STAT3: variants seen among roughly 807,000 people sequenced by gnomAD.
The protein encoded by STAT3 is signal transducer and activator of transcription 3, also known as DNA-binding protein APRF.
Under a neutral mutation model 114.3 loss-of-function variants are expected in STAT3, and 7 were observed. The ratio of observed to expected loss-of-function variants is 0.06; its 90% CI spans 0.03 to 0.11. The LOEUF is 0.11. Ranked by LOEUF, STAT3 falls within the 10% of genes least tolerant of loss-of-function variation. STAT3 has a pLI of 1.00. For missense variants in STAT3, 364 were observed against 960.9 expected (o/e 0.38, Z 8.21); for synonymous variants, 331 against 354.5 (o/e 0.93, Z 0.74).
At position 42,333,926 on chromosome 17, in the gene STAT3, C is replaced by T; in HGVS notation, c.921G>A (p.Glu307=). 6.2e-7 allele frequency: 1 copy of T among 1,614,230 alleles called. No individual in the cohort carries two copies. The highest frequency in any genetic ancestry group is 8.5e-7 in the Non-Finnish European group (1 of 1,180,050). ...AGTTTCTAAACAGCTCCACGATTCTCTCCTCCAGCATCGGCCGGTGCTGTA... is the reference window on the plus strand; with the variant it reads ...AGTTTCTAAACAGCTCCACGATTCTTTCCTCCAGCATCGGCCGGTGCTGTA... ...PIVQHRPMLE[E]RIVELFRNLM... The change falls in exon 9 of 24, where the codon GAG becomes GAA. Residue 307 remains glutamate, a synonymous_variant. Coordinates refer to ENST00000264657, the MANE Select transcript of STAT3 (RefSeq NM_139276.3). This position sits in a 1 kb window ranked among gnomAD's most constrained non-coding sequence, Gnocchi z 5.2.
chr17:42,353,347 C>CAAAAAAAAAA (rs10659012), intron 1 of STAT3, among the ~76,000 whole-genome samples: 1 of 80,846 alleles, frequency 1.2e-5, no homozygotes, highest in African/African-American at 4.1e-5. Context: ...GACTGCATAT[C>CAAAAAAAAAA]AAAAAAAAAA....
chr17:42,380,546 G>C (rs1466098801), intron 1 of STAT3, among the ~76,000 whole-genome samples: 1 of 151,136 alleles, frequency 6.6e-6, no homozygotes, highest in Non-Finnish European at 1.5e-5. Context: ...CACCACAACT[G>C]GCTAATTTTT....
intron 8 of STAT3, among the ~76,000 whole-genome samples, chr17:42,334,779 C>T (rs2082164506): frequency 6.6e-6 from 1 of 151,984 alleles, no homozygotes; most frequent in African/African-American, 2.4e-5. Context: ...ATTACTAGTC[C>T]CTTCCTAAAA....
chr17:42,346,237 T>G (rs2082695077), intron 3 of STAT3, among the ~76,000 whole-genome samples: 1 of 152,156 alleles, frequency 6.6e-6, no homozygotes, highest in Admixed American at 6.5e-5. Context: ...ACTGACTTAG[T>G]CAAGAAGTAT....
intron 4 of STAT3, among the ~76,000 whole-genome samples, chr17:42,343,224 T>C (rs539576524): frequency 6.6e-6 from 1 of 150,732 alleles, no homozygotes; most frequent in South Asian, 2.1e-4. Flanking sequence ...TGTAATGTTA[T>C]GTGTATTTCA....
chr17:42,323,264 C>T lies in STAT3; in HGVS notation c.1744G>A (p.Glu582Lys), dbSNP rs1064796762. 1.9e-6 allele frequency: 3 copies of T among 1,614,136 alleles called. No individual in the cohort carries two copies. Among genetic ancestry groups the T allele is most frequent in the Non-Finnish European group, 2.5e-6 (3 of 1,180,014 alleles). Reference protein sequence around the residue: ...VKKYILALWNEGYIMGFISKE... With the variant: ...VKKYILALWNKGYIMGFISKE... Reference sequence around the variant, plus strand: ...TGCACACTCTGTCCAACCTACCCTTCGTTCCAAAGGGCCAGGATGTACTTT... The same window carrying T: ...TGCACACTCTGTCCAACCTACCCTTTGTTCCAAAGGGCCAGGATGTACTTT... Residue 582 changes from glutamate to lysine, a missense_variant, in exon 19 of 24, where the codon GAA (glutamate) becomes AAA (lysine). By Grantham distance (56) the Glu-to-Lys change is moderately conservative (BLOSUM62 1). This residue lies in a region of STAT3 where 294 missense variants were observed against 745.1 expected (regional missense o/e 0.39). Coordinates refer to ENST00000264657, the MANE Select transcript of STAT3 (RefSeq NM_139276.3).
chr17:42,376,714 C>T (rs1048132033), intron 1 of STAT3, among the ~76,000 whole-genome samples: 9 of 151,888 alleles, frequency 5.9e-5, no homozygotes, highest in South Asian at 4.2e-4. Flanking sequence ...GGCATTGTGA[C>T]GGGCGCCTGT....
intron 12 of STAT3, 26 bp downstream of exon 12, chr17:42,329,721 A>G (rs779774884): frequency 6.2e-7 from 1 of 1,614,236 alleles, no homozygotes; most frequent in South Asian, 1.1e-5. Context: ...AAACGGAACA[A>G]AAGGAAGCCT....
chr17:42,339,535 A>C, intron 4 of STAT3, 126 bp from the exon 5 acceptor site: 1 of 894,422 alleles, frequency 1.1e-6, no homozygotes, highest in Non-Finnish European at 1.8e-6. Flanking sequence ...CCATCACAAG[A>C]GGAAGGGAAA....
At chr17:42,338,833 A>G in intron 5 of STAT3, 21 bp from the exon 6 acceptor site, 1 of 1,584,386 alleles carries the variant, frequency 6.3e-7, no homozygotes, top group South Asian at 1.1e-5. Flanking sequence ...TAAGCAAACA[A>G]AAAAACAGAA....
intron 1 of STAT3, among the ~76,000 whole-genome samples, chr17:42,370,031 G>C (rs531319398): frequency 6.6e-6 from 1 of 152,126 alleles, no homozygotes; most frequent in South Asian, 2.1e-4. Context: ...GAGTGCGGTG[G>C]CGAGATCTCG....
chr17:42,355,798 C>T lies in STAT3; in HGVS notation c.-23-7259G>A, dbSNP rs572355737. Among the ~76,000 whole-genome samples, 13 of 152,256 alleles carry T rather than the reference C, an allele frequency of 8.5e-5. No homozygotes were observed. The South Asian group carries it at 2.7e-3, about 32-fold the overall frequency. The stretch of plus-strand genomic sequence containing the variant: ...ATATTGAGAAACGCAGTCAAGACCA[C>T]TTACAAAAGGGATTTACTACACAGC... On this transcript the variant is annotated intron_variant, in intron 1 of 23. Coordinates refer to ENST00000264657, the MANE Select transcript of STAT3 (RefSeq NM_139276.3).
chr17:42,382,150 AC>A (rs1306449326), intron 1 of STAT3, among the ~76,000 whole-genome samples: 1 of 152,004 alleles, frequency 6.6e-6, no homozygotes, highest in Non-Finnish European at 1.5e-5. Flanking sequence ...ATCCTATAAA[AC>A]CCTATTCAGG....
In STAT3 at chr17:42,314,850, T is replaced by TA; in HGVS notation, c.*894_*895insT. 1.6e-5 allele frequency: 3 copies of TA among 183,108 alleles called. No individual in the cohort carries two copies. Among genetic ancestry groups the TA allele is most frequent in the Non-Finnish European group, 1.1e-5 (1 of 88,348 alleles). The allele number at this position is 183,108 out of a possible 1,614,324, so 11.3% of individuals were successfully genotyped here. Reference sequence around the variant, plus strand: ...ACCAAGGAGGCTGTTAACTGAAGTTTCTTTTTTTTTTTTTTTTTTTTGAGA... The same window carrying TA: ...ACCAAGGAGGCTGTTAACTGAAGTTTACTTTTTTTTTTTTTTTTTTTTGAGA... On this transcript the variant is annotated 3_prime_UTR_variant, in exon 24 of 24. Transcript: ENST00000264657.
At chr17:42,345,316 C>A in intron 4 of STAT3, 6 of 459,784 alleles carry the variant, frequency 1.3e-5, no homozygotes, top group South Asian at 5.6e-5. Flanking sequence ...CAAAACAAAA[C>A]TTTTAAACCA....
At chr17:42,355,000 G>T (rs2083162374) in intron 1 of STAT3, among the ~76,000 whole-genome samples, 1 of 152,086 alleles carries the variant, frequency 6.6e-6, no homozygotes, top group African/African-American at 2.4e-5. Flanking sequence ...CTCCTTACAG[G>T]CTGCTTAGCT....
rs17880712 is a variant in STAT3, at chr17:42,388,032, G to GC, written c.-24+246dup. ...ACCGAGTGCGCCCTCGCCCCACGGT[G>GC]CCCCCTCGAGCGCGTTCTGTTTCTC... On this transcript the variant is annotated intron_variant, in intron 1 of 23. Transcript: ENST00000264657. The GC allele has an allele frequency of 2.4e-3, 1,014 of 417,460 alleles. 8 individuals carry two copies. Among genetic ancestry groups the GC allele is most frequent in the African/African-American group, 0.017 (817 of 48,996 alleles). The allele number at this position is 417,460 out of a possible 1,614,324, so 25.9% of individuals were successfully genotyped here.
At chr17:42,334,526 C>T (rs1465225412) in intron 8 of STAT3, among the ~76,000 whole-genome samples, 1 of 149,858 alleles carries the variant, frequency 6.7e-6, no homozygotes, top group Non-Finnish European at 1.5e-5. Context: ...CTCACTGCAA[C>T]CTCCGCCTCC....
intron 1 of STAT3, among the ~76,000 whole-genome samples, chr17:42,360,032 C>G (rs2083432930): frequency 7.1e-6 from 1 of 140,842 alleles, no homozygotes; most frequent in Non-Finnish European, 1.5e-5. Context: ...TGCACTCCAG[C>G]CTGGGCGGCA....
Sources: gnomAD v4.1 joint callset for allele counts (sites outside exome capture counted in the v4.1 genomes callset) on GRCh38, gnomAD v4.1.1 for gene constraint, gnomAD v4.1.1 regional missense constraint, Gnocchi (gnomAD v3.1) non-coding constraint, MANE v1.5 for transcripts, NCBI Gene and HGNC (gene_info 2026-07-23, HGNC 2026-07-21) for gene names.